Variants in TCERG1L observed in about 807,000 individuals in gnomAD.
The protein encoded by TCERG1L is transcription elongation regulator 1 like, also known as transcription elongation regulator 1-like protein.
TCERG1L carries 37 observed loss-of-function variants against 56.3 expected under a neutral mutation model. The ratio of observed to expected loss-of-function variants is 0.66; its 90% CI spans 0.51 to 0.87. The LOEUF (loss-of-function observed/expected upper bound fraction) is 0.87, where lower values mean the gene tolerates loss of function less well. Among genes scored for constraint, TCERG1L ranks in the 40% least tolerant of loss-of-function variants. The probability of loss-of-function intolerance (pLI) is 0.00; values close to 1 mark genes in which losing one functional copy is unlikely to be tolerated. For synonymous variants in TCERG1L, 324 were observed against 326.3 expected, an observed-to-expected ratio of 0.99 and a Z score of 0.08; for missense variants, 799 against 774.2, an observed-to-expected ratio of 1.03 and a Z score of -0.38.
intron 7 of TCERG1L, among the ~76,000 whole-genome samples, chr10:131,139,981 C>T (rs2133409272): frequency 6.6e-6 from 1 of 152,246 alleles, no homozygotes; most frequent in East Asian, 1.9e-4. Context: ...GTCTTCCTTT[C>T]TGTGAGTGGT....
At chr10:131,242,692 G>T (rs776947337) in intron 4 of TCERG1L, among the ~76,000 whole-genome samples, 1 of 152,176 alleles carries the variant, frequency 6.6e-6, no homozygotes, top group Admixed American at 6.5e-5. Flanking sequence ...CTGAAAATCT[G>T]CATTCCAAAA....
At chr10:131,165,326 A>G (rs990900215) in intron 5 of TCERG1L, among the ~76,000 whole-genome samples, 15 of 152,246 alleles carry the variant, frequency 9.9e-5, no homozygotes, top group African/African-American at 3.6e-4. Flanking sequence ...CTTCTCGAAC[A>G]TCATGCAAGG....
intron 4 of TCERG1L, among the ~76,000 whole-genome samples, chr10:131,219,207 C>G (rs1340231940): frequency 1.3e-5 from 2 of 152,216 alleles, no homozygotes; most frequent in Admixed American, 6.5e-5. Flanking sequence ...CCCCAACTTC[C>G]CCATGGGGCC....
rs1364322859 is a variant in TCERG1L at position 131,192,074 on chromosome 10, C to G, written c.857-25189G>C. Among the ~76,000 whole-genome samples, 2 of 142,216 alleles carry G rather than the reference C, an allele frequency of 1.4e-5. 1 individual carries two copies. Among genetic ancestry groups the G allele is most frequent in the Non-Finnish European group, 3.1e-5 (2 of 64,938 alleles). 93.3% of individuals were successfully genotyped at this position (142,216 alleles called of 152,430 possible). The stretch of plus-strand genomic sequence containing the variant: ...GCTTCTGCATAGCAAAAGAAATAAT[C>G]AGCAGAGTAAACTGACAACCCACAG... On this transcript the variant is annotated intron_variant, in intron 4 of 11. Transcript: ENST00000368642.
intron 11 of TCERG1L, among the ~76,000 whole-genome samples, chr10:131,097,568 C>T (rs1417384884): frequency 5.3e-5 from 8 of 152,118 alleles, no homozygotes; most frequent in Admixed American, 3.3e-4. Context: ...AGGATGGTCT[C>T]GATCTCCTGA....
intron 6 of TCERG1L, among the ~76,000 whole-genome samples, chr10:131,155,329 C>T (rs1250954983): frequency 4.6e-5 from 7 of 152,180 alleles, no homozygotes; most frequent in Admixed American, 1.3e-4. Flanking sequence ...AATAATGAGC[C>T]GCAGGGAAAG....
At chr10:131,127,818 A>G (rs1369911308) in intron 8 of TCERG1L, among the ~76,000 whole-genome samples, 3 of 152,070 alleles carry the variant, frequency 2.0e-5, no homozygotes, top group Non-Finnish European at 4.4e-5. Context: ...GCCCGGGGCC[A>G]CTGCTCTTGT....
chr10:131,233,230 G>A (rs944310837), intron 4 of TCERG1L, among the ~76,000 whole-genome samples: 13 of 152,206 alleles, frequency 8.5e-5, no homozygotes, highest in South Asian at 2.1e-4. Flanking sequence ...GAGGGAGTGA[G>A]AGAGAGTGGG....
At position 131,226,288 on chromosome 10, in the gene TCERG1L, G is replaced by T. The variant is rs181814869; in HGVS notation, c.856+33971C>A. The stretch of plus-strand genomic sequence containing the variant: ...GACGAAGTGTCACTAGGTTGCCCAG[G>T]CTGGTCTTGAACTCCTGGGCTCAAG... On this transcript the variant is annotated intron_variant, in intron 4 of 11. Transcript: ENST00000368642. 5.3e-5 allele frequency among the ~76,000 whole-genome samples: 8 copies of T among 152,118 alleles called. No individual in the cohort carries two copies. In the East Asian group the frequency reaches 1.5e-3, roughly 29 times the overall value.
At chr10:131,258,797 T>C (rs143448194) in intron 4 of TCERG1L, among the ~76,000 whole-genome samples, 54 of 152,308 alleles carry the variant, frequency 3.5e-4, no homozygotes, top group Non-Finnish European at 5.6e-4. Context: ...CAAGAGAAGA[T>C]GCCTAATTGT....
chr10:131,235,148 C>T (rs977598260), intron 4 of TCERG1L, among the ~76,000 whole-genome samples: 4 of 152,106 alleles, frequency 2.6e-5, no homozygotes, highest in Admixed American at 1.3e-4. Context: ...CGCCCAAGGT[C>T]GATTAAAATT....
intron 11 of TCERG1L, chr10:131,095,372 GC>G (rs937945969): frequency 1.3e-5 from 2 of 152,224 alleles, no homozygotes; most frequent in African/African-American, 4.8e-5. Context: ...CTGTCCCGTC[GC>G]CACCATTCCC....
In TCERG1L at chr10:131,243,253, G is replaced by C. The variant is rs116965315; in HGVS notation, c.856+17006C>G. 3.8e-3 allele frequency among the ~76,000 whole-genome samples: 579 copies of C among 152,148 alleles called. 21 individuals carry two copies. In the East Asian group the frequency reaches 0.071, roughly 19 times the overall value. ...ACCATGGACCTGCACTGGCCAGTGAGACAGGAGTGAATGTTACATAAGCAG... is the reference window on the plus strand; with the variant it reads ...ACCATGGACCTGCACTGGCCAGTGACACAGGAGTGAATGTTACATAAGCAG... On this transcript the variant is annotated intron_variant, in intron 4 of 11. Coordinates refer to ENST00000368642, the MANE Select transcript of TCERG1L (RefSeq NM_174937.4).
chr10:131,236,571 A>G (rs886206618), intron 4 of TCERG1L, among the ~76,000 whole-genome samples: 1 of 152,182 alleles, frequency 6.6e-6, no homozygotes, highest in Non-Finnish European at 1.5e-5. Context: ...ACATCCCTTC[A>G]TGTTTAGATC....
chr10:131,132,358 C>T (rs1471540577), intron 8 of TCERG1L, among the ~76,000 whole-genome samples: 2 of 152,308 alleles, frequency 1.3e-5, no homozygotes, highest in South Asian at 2.1e-4. Flanking sequence ...GCAAAACATC[C>T]GTGCATGTTT....
intron 9 of TCERG1L, among the ~76,000 whole-genome samples, chr10:131,115,364 G>C (rs549211227): frequency 1.3e-5 from 2 of 152,362 alleles, no homozygotes; most frequent in African/African-American, 4.8e-5. Context: ...AGCAGGAGGA[G>C]GGCAGGAAGC....
At chr10:131,098,086 C>G (rs934475664) in intron 11 of TCERG1L, among the ~76,000 whole-genome samples, 2 of 152,178 alleles carry the variant, frequency 1.3e-5, no homozygotes, top group African/African-American at 4.8e-5. Flanking sequence ...GCAAATAGCC[C>G]ACTTTCCCAG....
chr10:131,194,938 G>A (rs1845342088), intron 4 of TCERG1L, among the ~76,000 whole-genome samples: 1 of 152,168 alleles, frequency 6.6e-6, no homozygotes, highest in South Asian at 2.1e-4. Flanking sequence ...AATACTGCTG[G>A]TAAGATTTGG....
At chr10:131,197,660 C>G (rs1419175748) in intron 4 of TCERG1L, among the ~76,000 whole-genome samples, 1 of 152,094 alleles carries the variant, frequency 6.6e-6, no homozygotes, top group African/African-American at 2.4e-5. Context: ...GGGAGATGGC[C>G]CAAAATTGAA....
Sources: gnomAD v4.1 joint callset for allele counts (sites outside exome capture counted in the v4.1 genomes callset) on GRCh38, gnomAD v4.1.1 for gene constraint, MANE v1.5 for transcripts, NCBI Gene and HGNC (gene_info 2026-07-23, HGNC 2026-07-21) for gene names.